The following MIGA1 variants were observed in gnomAD, a reference collection of about 807,000 sequenced individuals.
The protein encoded by MIGA1 is mitoguardin 1, also known as family with sequence similarity 73, member A.
A neutral mutation model predicts 82.0 loss-of-function variants in MIGA1; 58 were observed. That is an observed-to-expected ratio of 0.71 (90% CI 0.57 to 0.88). The LOEUF (loss-of-function observed/expected upper bound fraction) is 0.88, where lower values mean the gene tolerates loss of function less well. MIGA1 is among the 40% of genes least tolerant of loss of function. MIGA1 has a pLI of 0.00. For synonymous variants in MIGA1, 249 were observed against 253.6 expected (o/e 0.98, Z 0.17); for missense variants, 751 against 749.1 (o/e 1.00, Z -0.03).
chr1:77,806,796 A>T (rs553577169), intron 4 of MIGA1, among the ~76,000 whole-genome samples, 179 bp from the exon 5 acceptor site: 2 of 152,360 alleles, frequency 1.3e-5, no homozygotes, highest in African/African-American at 4.8e-5. Context: ...AAACAGGCTT[A>T]GAATAGAGTC....
intron 7 of MIGA1, among the ~76,000 whole-genome samples, chr1:77,820,220 TAGAA>T (rs1002554245): frequency 6.6e-6 from 1 of 151,956 alleles, no homozygotes; most frequent in Non-Finnish European, 1.5e-5. Context: ...ACACATTTTG[TAGAA>T]AGAAATTGTC....
intron 3 of MIGA1, among the ~76,000 whole-genome samples, chr1:77,802,245 G>GC (rs1433827163): frequency 6.6e-6 from 1 of 152,126 alleles, no homozygotes; most frequent in Non-Finnish European, 1.5e-5. Context: ...AGTGAACATT[G>GC]CAACAGTAAT....
chr1:77,818,941 A>G (rs1683688027), intron 7 of MIGA1, among the ~76,000 whole-genome samples: 2 of 151,804 alleles, frequency 1.3e-5, no homozygotes, highest in Non-Finnish European at 2.9e-5. Flanking sequence ...TTAGCTGGGC[A>G]TGGTGGTGGG....
intron 7 of MIGA1, among the ~76,000 whole-genome samples, chr1:77,828,360 G>C (rs2101847516): frequency 6.6e-6 from 1 of 152,246 alleles, no homozygotes; most frequent in East Asian, 1.9e-4. Flanking sequence ...ATGAAGCTTT[G>C]GGTTTGTATT....
chr1:77,803,108 G>T (rs1482777710), intron 3 of MIGA1, among the ~76,000 whole-genome samples, 162 bp from the exon 4 acceptor site: 1 of 152,026 alleles, frequency 6.6e-6, no homozygotes, highest in African/African-American at 2.4e-5. Context: ...TAAAGATTTA[G>T]ATTTTAATAA....
At chr1:77,795,125 A>G (rs1398978928) in intron 2 of MIGA1, among the ~76,000 whole-genome samples, 1 of 151,574 alleles carries the variant, frequency 6.6e-6, no homozygotes, top group Non-Finnish European at 1.5e-5. Flanking sequence ...CACCATGCCC[A>G]GCTAATTTTT....
chr1:77,864,004 G>C lies in MIGA1; in HGVS notation c.1485G>C (p.Trp495Cys). Residue 495 changes from tryptophan to cysteine, a missense_variant, in exon 13 of 16, where the codon TGG (tryptophan) becomes TGC (cysteine). Coordinates refer to ENST00000370791, the MANE Select transcript of MIGA1 (RefSeq NM_198549.4). ...TACAGAATGTAGTAAATAATCGATG[G>C]CTAAACTCATCCTTCAAAGAAACAG... The C allele has an allele frequency of 1.2e-6, 2 of 1,604,872 alleles. No homozygotes were observed. The highest frequency in any genetic ancestry group is 1.7e-6 in the Non-Finnish European group (2 of 1,178,034).
chr1:77,811,514 C>T (rs1683327056), intron 5 of MIGA1: 1 of 1,577,692 alleles, frequency 6.3e-7, no homozygotes, highest in South Asian at 1.1e-5. Context: ...TTCTTCAGGT[C>T]CTCCAGTTTA....
chr1:77,871,112 AGGGAGAGGGAGAGGAGGGAG>A (rs1685971512), intron 14 of MIGA1, among the ~76,000 whole-genome samples: 1 of 10,618 alleles, frequency 9.4e-5, no homozygotes, highest in Admixed American at 1.4e-3. Flanking sequence ...GGAGAGGGAG[AGGGAGAGGGAGAGGAGGGAG>A]AGGGAGAGGG....
intron 14 of MIGA1, among the ~76,000 whole-genome samples, chr1:77,867,731 A>C (rs1417283749): frequency 6.6e-6 from 1 of 152,204 alleles, no homozygotes; most frequent in African/African-American, 2.4e-5. Context: ...TTACCCAAGG[A>C]CCTGTAGTAT....
intron 7 of MIGA1, among the ~76,000 whole-genome samples, chr1:77,830,672 G>A (rs1265292313): frequency 1.3e-5 from 2 of 152,110 alleles, no homozygotes; most frequent in Non-Finnish European, 2.9e-5. Flanking sequence ...TCAGAAAGAG[G>A]ACCATAAGTC....
chr1:77,871,871 A>G (rs1646841010), intron 14 of MIGA1, among the ~76,000 whole-genome samples: 1 of 152,188 alleles, frequency 6.6e-6, no homozygotes, highest in Non-Finnish European at 1.5e-5. Context: ...GGGCTTTTAA[A>G]TAGCTAAAAC....
chr1:77,824,678 G>A (rs1335121972), intron 7 of MIGA1, among the ~76,000 whole-genome samples: 2 of 152,122 alleles, frequency 1.3e-5, no homozygotes, highest in African/African-American at 2.4e-5. Flanking sequence ...TATAATTATT[G>A]TGGTTTAAAA....
At chr1:77,819,097 A>G (rs1683699729) in intron 7 of MIGA1, among the ~76,000 whole-genome samples, 1 of 151,154 alleles carries the variant, frequency 6.6e-6, no homozygotes, top group African/African-American at 2.4e-5. Context: ...AAAAAAAAAA[A>G]GAAAAAGAAA....
chr1:77,830,382 A>C (rs1252194858), intron 7 of MIGA1, among the ~76,000 whole-genome samples: 1 of 152,038 alleles, frequency 6.6e-6, no homozygotes, highest in Non-Finnish European at 1.5e-5. Context: ...ACATTTTCTA[A>C]TTTGTCATTG....
intron 4 of MIGA1, 53 bp from the exon 5 acceptor site, chr1:77,806,921 CA>C (rs1683121951): frequency 7.3e-7 from 1 of 1,372,434 alleles, no homozygotes; most frequent in South Asian, 1.3e-5. Context: ...TGAAAGATCA[CA>C]ACATACTATC....
In MIGA1 at chr1:77,790,469, T is replaced by C. The variant is rs372586435; in HGVS notation, c.195+7118T>C. Reference sequence around the variant, plus strand: ...TTTTAGTAGAGACGGGGTTTCACCATGTTAGCCAGGATGGTCTTGATCTCC... The same window carrying C: ...TTTTAGTAGAGACGGGGTTTCACCACGTTAGCCAGGATGGTCTTGATCTCC... On this transcript the variant is annotated intron_variant, in intron 2 of 15. Coordinates refer to ENST00000370791, the MANE Select transcript of MIGA1 (RefSeq NM_198549.4). Among the ~76,000 whole-genome samples the C allele has an allele frequency of 1.6e-3, 239 of 152,282 alleles. 4 individuals are homozygous for C. In the Middle Eastern group the frequency reaches 0.02, roughly 13 times the overall value.
At chr1:77,839,389 T>G (rs892009228) in intron 7 of MIGA1, among the ~76,000 whole-genome samples, 5 of 151,990 alleles carry the variant, frequency 3.3e-5, no homozygotes, top group African/African-American at 1.2e-4. Flanking sequence ...TCTTTTTTTT[T>G]AGAGACAGTG....
intron 7 of MIGA1, among the ~76,000 whole-genome samples, chr1:77,817,786 G>T (rs1446275308): frequency 6.6e-6 from 1 of 152,088 alleles, no homozygotes; most frequent in African/African-American, 2.4e-5. Flanking sequence ...AAAGTTAATA[G>T]TCATAAATTA....
Sources: gnomAD v4.1 joint callset for allele counts (sites outside exome capture counted in the v4.1 genomes callset) on GRCh38, gnomAD v4.1.1 for gene constraint, MANE v1.5 for transcripts, NCBI Gene and HGNC (gene_info 2026-07-23, HGNC 2026-07-21) for gene names.